Variants in KSR2 observed in about 807,000 individuals in gnomAD.
KSR2 encodes kinase suppressor of ras 2.
A neutral mutation model predicts 107.8 loss-of-function variants in KSR2; 25 were observed. The ratio of observed to expected loss-of-function variants is 0.23; its 90% confidence interval spans 0.17 to 0.32. The LOEUF (loss-of-function observed/expected upper bound fraction) is 0.32. KSR2 is among the 10% of genes least tolerant of loss of function. The probability of loss-of-function intolerance (pLI) is 1.00; values close to 1 mark genes in which losing one functional copy is unlikely to be tolerated. For missense variants in KSR2, 887 were observed against 1,268.9 expected, an observed-to-expected ratio of 0.70 and a Z score of 4.57; for synonymous variants, 480 against 507.0, an observed-to-expected ratio of 0.95 and a Z score of 0.71.
At chr12:117,548,690 T>C (rs544523285) in intron 9 of KSR2, among the ~76,000 whole-genome samples, 52 of 152,214 alleles carry the variant, frequency 3.4e-4, no homozygotes, top group Non-Finnish European at 6.9e-4. Flanking sequence ...GGGAGGAATA[T>C]GGAAAAGTAC....
intron 1 of KSR2, among the ~76,000 whole-genome samples, chr12:117,935,207 C>G (rs887209248): frequency 6.6e-6 from 1 of 152,008 alleles, no homozygotes; most frequent in Non-Finnish European, 1.5e-5. Flanking sequence ...CCGATCACAG[C>G]TCACTGCAGC....
intron 10 of KSR2, among the ~76,000 whole-genome samples, chr12:117,534,951 C>T (rs1386648949): frequency 6.6e-6 from 1 of 152,158 alleles, no homozygotes; most frequent in Admixed American, 6.5e-5. Context: ...CTATTGACAT[C>T]TCGGTTTTTA....
chr12:117,741,195 T>C (rs866399920), intron 4 of KSR2, among the ~76,000 whole-genome samples: 2 of 151,838 alleles, frequency 1.3e-5, no homozygotes, highest in Non-Finnish European at 2.9e-5. Context: ...ACCTATTGAA[T>C]GAAATAAGAA....
chr12:117,881,474 G>A (rs1167858114), intron 1 of KSR2, among the ~76,000 whole-genome samples: 1 of 152,198 alleles, frequency 6.6e-6, no homozygotes, highest in African/African-American at 2.4e-5. Context: ...TGTTAGTATG[G>A]TGACTGTCCC....
chr12:117,675,987 C>G (rs1362815830), intron 4 of KSR2, among the ~76,000 whole-genome samples: 1 of 152,206 alleles, frequency 6.6e-6, no homozygotes, highest in Admixed American at 6.5e-5. Flanking sequence ...CAAATTGGCC[C>G]TTTTAAATCC....
intron 3 of KSR2, among the ~76,000 whole-genome samples, chr12:117,811,410 A>T (rs1891185314): frequency 6.6e-6 from 1 of 152,214 alleles, no homozygotes; most frequent in Non-Finnish European, 1.5e-5. Flanking sequence ...AGCATCGGCA[A>T]CACCTGAGGA....
intron 1 of KSR2, among the ~76,000 whole-genome samples, chr12:117,951,035 G>A (rs1260120636): frequency 1.3e-5 from 2 of 151,958 alleles, no homozygotes; most frequent in Non-Finnish European, 2.9e-5. Flanking sequence ...AGCCTCCCAA[G>A]TAGCTGGGAC....
chr12:117,516,368 G>A (rs1391293650), intron 14 of KSR2, among the ~76,000 whole-genome samples: 1 of 152,100 alleles, frequency 6.6e-6, no homozygotes, highest in Non-Finnish European at 1.5e-5. Context: ...GAGCACAGCT[G>A]GGACACAAAT....
chr12:117,531,156 G>A lies in KSR2; in HGVS notation c.1730-143C>T, dbSNP rs1875605914. 8 of 686,180 alleles carry A rather than the reference G, an allele frequency of 1.2e-5. No individual in the cohort carries two copies. The South Asian group carries it at 1.4e-4, about 12-fold the overall frequency. 42.5% of individuals were successfully genotyped at this position (686,180 alleles called of 1,614,324 possible). ...TGGCCAATCTCCTTTCTCCTTTCCT[G>A]GACCACCTGGACTCTACCTGCTCAG... On this transcript the variant is annotated intron_variant, in intron 11 of 19. Transcript: ENST00000339824.
intron 14 of KSR2, among the ~76,000 whole-genome samples, chr12:117,491,154 G>T (rs1441976699): frequency 6.6e-6 from 1 of 152,048 alleles, no homozygotes; most frequent in African/African-American, 2.4e-5. Context: ...CCACATATAA[G>T]TGAGATCATG....
intron 3 of KSR2, among the ~76,000 whole-genome samples, chr12:117,788,472 C>T (rs10774955): frequency 0.53 from 80,361 of 152,028 alleles, 22,152 homozygotes; most frequent in East Asian, 0.74. Context: ...TTGAAAAATC[C>T]TGCAGGTAGG....
intron 2 of KSR2, among the ~76,000 whole-genome samples, chr12:117,858,583 G>C (rs1227462730): frequency 6.6e-6 from 1 of 152,218 alleles, no homozygotes; most frequent in Non-Finnish European, 1.5e-5. Flanking sequence ...GCCTCTTCAA[G>C]TAGGAAGCAG....
At chr12:117,538,057 G>A (rs1450575202) in intron 10 of KSR2, among the ~76,000 whole-genome samples, 3 of 151,996 alleles carry the variant, frequency 2.0e-5, no homozygotes, top group African/African-American at 4.8e-5. Context: ...GGAAAGCATC[G>A]GGCTCACTTC....
At chr12:117,915,960 A>G (rs1895158526) in intron 1 of KSR2, among the ~76,000 whole-genome samples, 1 of 152,100 alleles carries the variant, frequency 6.6e-6, no homozygotes. Flanking sequence ...CTAAAAAACT[A>G]GCAAATCATT....
chr12:117,924,403 T>TA (rs1302632856), intron 1 of KSR2, among the ~76,000 whole-genome samples: 1 of 146,694 alleles, frequency 6.8e-6, no homozygotes. Flanking sequence ...CCGTCTCTAC[T>TA]AAAAAAAATA....
At chr12:117,961,581 G>C (rs117513352) in intron 1 of KSR2, among the ~76,000 whole-genome samples, 13,102 of 152,058 alleles carry the variant, frequency 0.086, 723 homozygotes, top group Middle Eastern at 0.15. Flanking sequence ...TAGGAACACT[G>C]GAGACCTGTA....
intron 14 of KSR2, among the ~76,000 whole-genome samples, chr12:117,495,847 A>C (rs1210536480): frequency 6.6e-6 from 1 of 152,172 alleles, no homozygotes; most frequent in Non-Finnish European, 1.5e-5. Flanking sequence ...CAAGGTCAAG[A>C]GATCGAGACC....
chr12:117,558,555 T>A lies in KSR2; in HGVS notation c.1344A>T (p.Lys448Asn). ...GACAGGGTGGGGCTTCTTTGGTGCA[T>A]TTGTTGTGGCACTTTAACCTGAGAA... Reference protein sequence around the residue: ...CKNCKLKCHNKCTKEAPPCHL... With the variant: ...CKNCKLKCHNNCTKEAPPCHL... The change falls in exon 8 of 20, where the codon AAA (lysine) becomes AAT (asparagine). Residue 448 changes from lysine to asparagine, a missense_variant. Physicochemically the swap from Lys to Asn is moderately conservative, Grantham distance 94 (BLOSUM62 0). Around this residue, in one of 8 missense-constraint regions of KSR2, gnomAD observed 12 missense variants for 48.1 expected, o/e 0.25. Transcript: ENST00000339824. The A allele has an allele frequency of 6.2e-7, 1 of 1,613,660 alleles. No homozygotes were observed. The highest frequency in any genetic ancestry group is 1.3e-5 in the African/African-American group (1 of 74,950).
rs934888512 is a variant in KSR2, at chr12:117,473,314, A to G, written c.2583-1994T>C. Among the ~76,000 whole-genome samples, 7 of 152,290 alleles carry G rather than the reference A, an allele frequency of 4.6e-5. No individual in the cohort carries two copies. In the Middle Eastern group the frequency reaches 0.01, roughly 222 times the overall value. Reference sequence around the variant, plus strand: ...CTGCCTGAATAATAACAAAACCTACATTTTAAAACAGGAGGCATTATTATT... The same window carrying G: ...CTGCCTGAATAATAACAAAACCTACGTTTTAAAACAGGAGGCATTATTATT... On this transcript the variant is annotated intron_variant, in intron 17 of 19. Transcript: ENST00000339824.
Sources: allele counts gnomAD v4.1 joint callset (sites outside exome capture counted in the v4.1 genomes callset), GRCh38; gene constraint gnomAD v4.1.1; regional missense constraint gnomAD v4.1.1; transcripts MANE v1.5; gene names NCBI Gene and HGNC (gene_info 2026-07-23, HGNC 2026-07-21).